The following SCN10A variants were observed in gnomAD, a reference collection of about 807,000 sequenced individuals.
The protein encoded by SCN10A is sodium voltage-gated channel alpha subunit 10.
SCN10A carries 162 observed loss-of-function variants against 170.7 expected under a neutral mutation model. The observed-to-expected ratio is 0.95, with a 90% CI of 0.84 to 1.08. SCN10A has a LOEUF of 1.08. Among genes scored for constraint, SCN10A ranks in the 50% least tolerant of loss-of-function variants. The probability of loss-of-function intolerance (pLI) is 0.00; values close to 1 mark genes in which losing one functional copy is unlikely to be tolerated. For synonymous variants in SCN10A, 985 were observed against 904.6 expected, an observed-to-expected ratio of 1.09 and a Z score of -1.59; for missense variants, 2,527 against 2,436.9, an observed-to-expected ratio of 1.04 and a Z score of -0.78.
chr3:38,764,631 G>A (rs2063911798), intron 5 of SCN10A, among the ~76,000 whole-genome samples: 1 of 152,138 alleles, frequency 6.6e-6, no homozygotes, highest in Non-Finnish European at 1.5e-5. Context: ...TGGGCATTTA[G>A]GCTGGTTCCA....
intron 5 of SCN10A, among the ~76,000 whole-genome samples, chr3:38,770,935 T>C (rs566303521): frequency 3.2e-4 from 48 of 152,204 alleles, no homozygotes; most frequent in Non-Finnish European, 4.9e-4. Context: ...TTCCTAAATT[T>C]ATTTACATTC....
chr3:38,796,845 T>G (rs1310454377), intron 1 of SCN10A, among the ~76,000 whole-genome samples: 1 of 152,128 alleles, frequency 6.6e-6, no homozygotes, highest in South Asian at 2.1e-4. Context: ...GCCTTTCTAT[T>G]GTTTCTACCA....
rs202197776 is a variant in SCN10A, at chr3:38,723,415, T to C, written c.3352+15A>G. On this transcript the variant is annotated intron_variant, in intron 19 of 27. Coordinates refer to ENST00000449082, the MANE Select transcript of SCN10A (RefSeq NM_006514.4). The stretch of plus-strand genomic sequence containing the variant: ...ATTAACATCAGTGTGAGGGGGCCTG[T>C]GGCTGTCCCTTCACCTTCTGTGAAG... The C allele has an allele frequency of 6.2e-7, 1 of 1,614,028 alleles. No homozygotes were observed. Among genetic ancestry groups the C allele is most frequent in the East Asian group, 2.2e-5 (1 of 44,884 alleles).
chr3:38,788,327 T>C (rs1434345930), intron 4 of SCN10A, among the ~76,000 whole-genome samples: 1 of 151,880 alleles, frequency 6.6e-6, no homozygotes, highest in African/African-American at 2.4e-5. Flanking sequence ...TGTGTGGATA[T>C]GGAATGTTTT....
intron 27 of SCN10A, 90 bp downstream of exon 27, chr3:38,701,749 G>C: frequency 7.8e-7 from 1 of 1,275,156 alleles, no homozygotes; most frequent in Non-Finnish European, 1.1e-6. Flanking sequence ...ATTTCAAAAA[G>C]TTGGTTGGTT....
At chr3:38,755,511 C>G (rs572669937) in intron 11 of SCN10A, among the ~76,000 whole-genome samples, 2 of 152,146 alleles carry the variant, frequency 1.3e-5, no homozygotes, top group African/African-American at 4.8e-5. Context: ...AATCCTGAAA[C>G]CTGGGAGTCA....
At chr3:38,732,711 C>T (rs1484744607) in intron 15 of SCN10A, among the ~76,000 whole-genome samples, 2 of 152,076 alleles carry the variant, frequency 1.3e-5, no homozygotes, top group Admixed American at 6.5e-5. Flanking sequence ...AGGCAGAGCA[C>T]GAGCCTCATG....
At chr3:38,723,591 C>T (rs1187403096) in intron 18 of SCN10A, 38 bp from the exon 19 acceptor site, 2 of 1,552,620 alleles carry the variant, frequency 1.3e-6, no homozygotes, top group South Asian at 2.4e-5. Context: ...ACTCGTCTCT[C>T]CGCGGGGCCC....
intron 4 of SCN10A, among the ~76,000 whole-genome samples, chr3:38,775,381 C>T (rs1353580275): frequency 6.6e-6 from 1 of 152,170 alleles, no homozygotes; most frequent in African/African-American, 2.4e-5. Flanking sequence ...AATGCTTTGT[C>T]AATGTTGTGG....
At chr3:38,792,547 GT>G (rs2064296419) in intron 2 of SCN10A, among the ~76,000 whole-genome samples, 2 of 152,298 alleles carry the variant, frequency 1.3e-5, no homozygotes, top group Middle Eastern at 3.4e-3. Context: ...AACCATCCTT[GT>G]TTTGTAATGT....
rs2063567359 is a variant in SCN10A at position 38,736,962 on chromosome 3, C to CTTTT, written c.2280+2552_2280+2553insAAAA. 2.5e-3 allele frequency among the ~76,000 whole-genome samples: 174 copies of CTTTT among 69,206 alleles called. 5 individuals are homozygous for CTTTT. The highest frequency in any genetic ancestry group is 6.6e-3 in the African/African-American group (127 of 19,118). 45.4% of individuals were successfully genotyped at this position (69,206 alleles called of 152,430 possible). A position where few individuals can be genotyped will look rare whatever the true frequency, so the allele number is the denominator to read the frequency against. ...CTTCCCCAAGTGTAGCAGAAATGTT[C>CTTTT]GTTTTTTTTTTTTTTTTTTTTTTTT... On this transcript the variant is annotated intron_variant, in intron 15 of 27. Transcript: ENST00000449082.
intron 1 of SCN10A, among the ~76,000 whole-genome samples, chr3:38,811,600 T>G (rs1268934786): frequency 2.0e-5 from 3 of 152,230 alleles, no homozygotes; most frequent in African/African-American, 7.2e-5. Context: ...AATTAAGTAG[T>G]TGACTCAGAA....
intron 19 of SCN10A, 73 bp from the exon 20 acceptor site, chr3:38,722,485 G>A: frequency 1.3e-6 from 2 of 1,517,090 alleles, no homozygotes; most frequent in Non-Finnish European, 1.8e-6. Context: ...CTGCTGCAGA[G>A]AAACCATTCT....
chr3:38,702,585 T>C (rs375874475), intron 26 of SCN10A, among the ~76,000 whole-genome samples: 14 of 152,370 alleles, frequency 9.2e-5, no homozygotes, highest in African/African-American at 3.1e-4. Flanking sequence ...ACAAGGGCTA[T>C]ACCTTCCTTA....
intron 13 of SCN10A, among the ~76,000 whole-genome samples, chr3:38,746,097 A>C (rs12638536): frequency 0.25 from 21,706 of 87,094 alleles, 4,364 homozygotes; most frequent in East Asian, 0.64. Flanking sequence ...ATATATATAT[A>C]TATGCCATCT....
intron 14 of SCN10A, among the ~76,000 whole-genome samples, chr3:38,741,383 T>G (rs918765685): frequency 2.6e-5 from 4 of 152,212 alleles, no homozygotes; most frequent in Admixed American, 2.6e-4. Context: ...GCAGCCGGTC[T>G]GTCTGGGTTC....
intron 8 of SCN10A, among the ~76,000 whole-genome samples, chr3:38,757,897 G>C (rs1300638561): frequency 6.6e-6 from 1 of 152,164 alleles, no homozygotes; most frequent in Non-Finnish European, 1.5e-5. Flanking sequence ...CATAATAGGA[G>C]GATGAGTCGA....
In SCN10A at chr3:38,707,393, G is replaced by C; in HGVS notation, c.4282-10C>G. On this transcript the variant is annotated splice_polypyrimidine_tract_variant and intron_variant, in intron 25 of 27. Transcript: ENST00000449082. Reference sequence around the variant, plus strand: ...TGTCCTGGCCCCCTAAGTGCAGAGAGGGCCACACTGTTACTAAAGCAAGAG... The same window carrying C: ...TGTCCTGGCCCCCTAAGTGCAGAGACGGCCACACTGTTACTAAAGCAAGAG... 6.2e-7 allele frequency: 1 copy of C among 1,613,826 alleles called. No individual in the cohort carries two copies.
intron 26 of SCN10A, among the ~76,000 whole-genome samples, chr3:38,705,375 T>A (rs965664200): frequency 1.3e-5 from 2 of 152,158 alleles, no homozygotes; most frequent in African/African-American, 4.8e-5. Context: ...CAGAATTGGT[T>A]ATGAGGTTTC....
Sources: gnomAD v4.1 joint callset for allele counts (sites outside exome capture counted in the v4.1 genomes callset) on GRCh38, gnomAD v4.1.1 for gene constraint, MANE v1.5 for transcripts, NCBI Gene and HGNC (gene_info 2026-07-23, HGNC 2026-07-21) for gene names.